The following PRMT3 variants were observed in gnomAD, a reference collection of about 807,000 sequenced individuals.
PRMT3 encodes the protein protein arginine N-methyltransferase 3.
In PRMT3, 62 loss-of-function variants were observed where a neutral mutation model predicts 71.9. That is an observed-to-expected ratio of 0.86 (90% CI 0.70 to 1.07). The LOEUF (loss-of-function observed/expected upper bound fraction) is 1.07. PRMT3 is among the 50% of genes least tolerant of loss of function. The pLI, the probability that PRMT3 is intolerant of heterozygous loss-of-function variation, is 0.00. For missense variants in PRMT3, 663 were observed against 643.0 expected (o/e 1.03, Z -0.34); for synonymous variants, 213 against 220.4 (o/e 0.97, Z 0.30).
rs185486306 is a variant in PRMT3 at position 20,395,585 on chromosome 11, T to C, written c.401-218T>C. 3.3e-5 allele frequency among the ~76,000 whole-genome samples: 5 copies of C among 152,102 alleles called. No individual in the cohort carries two copies. In the East Asian group the frequency reaches 5.8e-4, roughly 18 times the overall value. The stretch of plus-strand genomic sequence containing the variant: ...CCAGGCTGGTCTTGAACTGTTGGCC[T>C]CAAGTGATCTGCCTGCCTCGGCCTT... On this transcript the variant is annotated intron_variant, in intron 5 of 15. Coordinates refer to ENST00000331079, the MANE Select transcript of PRMT3 (RefSeq NM_005788.4).
intron 9 of PRMT3, among the ~76,000 whole-genome samples, chr11:20,421,426 C>T (rs995118975): frequency 6.6e-6 from 1 of 152,154 alleles, no homozygotes; most frequent in African/African-American, 2.4e-5. Context: ...TGAACATCCC[C>T]CAATAAATGT....
At chr11:20,503,650 T>A (rs6483698) in intron 15 of PRMT3, among the ~76,000 whole-genome samples, 2 of 151,356 alleles carry the variant, frequency 1.3e-5, no homozygotes, top group African/African-American at 4.9e-5. Context: ...TTTGAGATTC[T>A]TCTATCATTA....
intron 9 of PRMT3, among the ~76,000 whole-genome samples, chr11:20,418,607 GAT>G: frequency 6.6e-6 from 1 of 152,208 alleles, no homozygotes; most frequent in South Asian, 2.1e-4. Flanking sequence ...CCATTCTGAA[GAT>G]ATTTTTAAGC....
intron 12 of PRMT3, 106 bp from the exon 13 acceptor site, chr11:20,464,354 G>A: frequency 1.4e-6 from 2 of 1,400,472 alleles, no homozygotes; most frequent in East Asian, 2.5e-5. Flanking sequence ...AATCATTTGT[G>A]CATAAAAGAA....
chr11:20,397,355 C>T (rs1306244580), intron 6 of PRMT3, among the ~76,000 whole-genome samples: 1 of 152,038 alleles, frequency 6.6e-6, no homozygotes, highest in Admixed American at 6.5e-5. Context: ...CTGCGGTTGG[C>T]ATTGCTTTTG....
At position 20,508,351 on chromosome 11, in the gene PRMT3, C is replaced by T. The variant is rs1267489824; in HGVS notation, c.1534C>T (p.Pro512Ser). ...KVTVHKNKKD[P>S]RSLTVTLTLN... ...CACAGTTCACAAGAATAAGAAAGAT[C>T]CACGTTCTCTCACCGTGACCCTCAC... is the stretch of plus-strand genomic sequence containing the variant. Residue 512 changes from proline to serine, a missense_variant, in exon 16 of 16, where the codon CCA becomes TCA. By Grantham distance (74) the Pro-to-Ser change is moderately conservative. Coordinates refer to ENST00000331079, the MANE Select transcript of PRMT3 (RefSeq NM_005788.4). 3 of 1,612,426 alleles carry T rather than the reference C, an allele frequency of 1.9e-6. No individual in the cohort carries two copies. The highest frequency in any genetic ancestry group is 1.1e-5 in the South Asian group (1 of 91,028).
At chr11:20,388,279 G>A in intron 2 of PRMT3, 125 bp downstream of exon 2, 1 of 1,383,662 alleles carries the variant, frequency 7.2e-7, no homozygotes, top group South Asian at 1.3e-5. Flanking sequence ...TGGAACCACT[G>A]GTCTGGGGTG....
intron 10 of PRMT3, among the ~76,000 whole-genome samples, chr11:20,427,707 C>G (rs1053834708): frequency 1.3e-5 from 2 of 152,010 alleles, no homozygotes; most frequent in Non-Finnish European, 2.9e-5. Context: ...ACCTGGGTGA[C>G]AGAGCGAGAC....
chr11:20,442,036 G>T (rs1849919772), intron 10 of PRMT3, among the ~76,000 whole-genome samples: 1 of 151,936 alleles, frequency 6.6e-6, no homozygotes, highest in Non-Finnish European at 1.5e-5. Flanking sequence ...CAGGTGATCT[G>T]CCTGCCTCAG....
intron 6 of PRMT3, among the ~76,000 whole-genome samples, chr11:20,396,919 T>C (rs1280699436): frequency 6.6e-6 from 1 of 152,184 alleles, no homozygotes; most frequent in African/African-American, 2.4e-5. Flanking sequence ...TGAGTACCCA[T>C]CTGATGGTTT....
intron 11 of PRMT3, among the ~76,000 whole-genome samples, chr11:20,456,524 A>AT (rs2133393600): frequency 6.6e-6 from 1 of 152,240 alleles, no homozygotes; most frequent in Non-Finnish European, 1.5e-5. Flanking sequence ...ATGTGAGTCT[A>AT]TTTTTGTGTT....
chr11:20,506,618 A>G (rs1029544244), intron 15 of PRMT3, among the ~76,000 whole-genome samples: 1 of 152,178 alleles, frequency 6.6e-6, no homozygotes, highest in African/African-American at 2.4e-5. Context: ...GCATTCAGAT[A>G]ATTTTCCTTG....
chr11:20,508,311 C>G lies in PRMT3; in HGVS notation c.1494C>G (p.Ala498=). The G allele has an allele frequency of 1.2e-6, 2 of 1,603,114 alleles. No homozygotes were observed. The highest frequency in any genetic ancestry group is 1.7e-6 in the Non-Finnish European group (2 of 1,170,464). ...EKPFSVKAGE[A]LKGKVTVHKN... is the part of the protein sequence containing the mutation. ...TTTGCCTTTGTTTTACAGGTGAAGC[C>G]TTGAAAGGAAAGGTCACAGTTCACA... Residue 498 remains alanine, a synonymous_variant, in exon 16 of 16, where the codon GCC becomes GCG. Transcript: ENST00000331079.
At chr11:20,497,341 TG>T (rs1174981331) in intron 15 of PRMT3, among the ~76,000 whole-genome samples, 2 of 152,206 alleles carry the variant, frequency 1.3e-5, no homozygotes, top group Non-Finnish European at 2.9e-5. Context: ...GCACCACCTG[TG>T]TTTCTTTTAC....
At chr11:20,419,431 G>GTCT (rs1849377950) in intron 9 of PRMT3, among the ~76,000 whole-genome samples, 1 of 152,180 alleles carries the variant, frequency 6.6e-6, no homozygotes, top group Non-Finnish European at 1.5e-5. Flanking sequence ...TAACGTGAAA[G>GTCT]TCTTCTCTCA....
chr11:20,442,692 C>A (rs1282547430), intron 10 of PRMT3, among the ~76,000 whole-genome samples: 1 of 152,136 alleles, frequency 6.6e-6, no homozygotes, highest in African/African-American at 2.4e-5. Flanking sequence ...ATTCTGCACA[C>A]CCCCATGACC....
In PRMT3 at chr11:20,508,578, AG is replaced by A; in HGVS notation, c.*166del. The A allele has an allele frequency of 1.4e-6, 1 of 699,706 alleles. No individual in the cohort carries two copies. 43.3% of individuals were successfully genotyped at this position (699,706 alleles called of 1,614,324 possible). ...TCATTGTGGGAATCTGACATAGTTC[AG>A]CTGAGGAAGAGAATCAGCTGATCCT... is the stretch of plus-strand genomic sequence containing the variant. On this transcript the variant is annotated 3_prime_UTR_variant, in exon 16 of 16. Coordinates refer to ENST00000331079, the MANE Select transcript of PRMT3 (RefSeq NM_005788.4).
intron 10 of PRMT3, among the ~76,000 whole-genome samples, chr11:20,439,142 C>T (rs1160195092): frequency 6.6e-6 from 1 of 152,206 alleles, no homozygotes; most frequent in African/African-American, 2.4e-5. Flanking sequence ...GGGGGCAGGA[C>T]AGAGTGTCAT....
intron 10 of PRMT3, among the ~76,000 whole-genome samples, chr11:20,441,217 T>A (rs1255074825): frequency 2.6e-5 from 4 of 151,706 alleles, no homozygotes; most frequent in Non-Finnish European, 4.4e-5. Context: ...GAAAATGATA[T>A]GTAGAGATCA....
Sources: allele counts gnomAD v4.1 joint callset (sites outside exome capture counted in the v4.1 genomes callset), GRCh38; gene constraint gnomAD v4.1.1; transcripts MANE v1.5; gene names NCBI Gene and HGNC (gene_info 2026-07-23, HGNC 2026-07-21).